The following CCDC7 variants were observed in gnomAD, a reference collection of about 807,000 sequenced individuals.
CCDC7 encodes coiled-coil domain containing 7, also known as coiled-coil domain-containing protein 7.
In CCDC7, 183 loss-of-function variants were observed where a neutral mutation model predicts 196.9. That is an observed-to-expected ratio of 0.93 (90% CI 0.82 to 1.05). The LOEUF is 1.05. Ranked by LOEUF, CCDC7 falls within the 50% of genes least tolerant of loss-of-function variation. CCDC7 has a pLI of 0.00. For missense variants in CCDC7, 1,540 were observed against 1,482.2 expected, an observed-to-expected ratio of 1.04 and a Z score of -0.64; for synonymous variants, 525 against 484.6, an observed-to-expected ratio of 1.08 and a Z score of -1.10.
In CCDC7 at chr10:32,529,917, G is replaced by A. The variant is rs865985486; in HGVS notation, c.993+11412G>A. On this transcript the variant is annotated intron_variant, in intron 11 of 41. Coordinates refer to ENST00000639629, the Ensembl canonical transcript of CCDC7. Reference sequence around the variant, plus strand: ...TTACGGTTTCAGGCCTTAGATTTAAGTCTTTGATCCATCTTGAGTTGATTT... The same window carrying A: ...TTACGGTTTCAGGCCTTAGATTTAAATCTTTGATCCATCTTGAGTTGATTT... Among the ~76,000 whole-genome samples, 20 of 152,288 alleles carry A rather than the reference G, an allele frequency of 1.3e-4. 2 individuals carry two copies. In the South Asian group the frequency reaches 4.1e-3, roughly 32 times the overall value.
intron 29 of CCDC7, among the ~76,000 whole-genome samples, chr10:32,792,516 G>A (rs1212356187): frequency 1.3e-5 from 2 of 152,120 alleles, no homozygotes; most frequent in African/African-American, 4.8e-5. Flanking sequence ...AAACCTAGAT[G>A]TTGGCTGGGC....
intron 29 of CCDC7, among the ~76,000 whole-genome samples, chr10:32,781,722 T>A (rs2081095541): frequency 6.6e-6 from 1 of 152,182 alleles, no homozygotes; most frequent in South Asian, 2.1e-4. Flanking sequence ...AGATTAAAAA[T>A]GTTTTCCTTA....
rs1160035656 is a variant in CCDC7 at position 32,795,675 on chromosome 10, TTGTC to T, written c.3014-9337_3014-9334del. On this transcript the variant is annotated intron_variant, in intron 29 of 41. Transcript: ENST00000639629. Reference sequence around the variant, plus strand: ...AGGATTAATTATTTATTTGTCTTCTTTGTCTGGCTTGTTTTGGGTTTTATTAGAT... The same window carrying T: ...AGGATTAATTATTTATTTGTCTTCTTTGGCTTGTTTTGGGTTTTATTAGAT... Among the ~76,000 whole-genome samples, 5 of 152,034 alleles carry T rather than the reference TTGTC, an allele frequency of 3.3e-5. No individual in the cohort carries two copies. In the Middle Eastern group the frequency reaches 0.01, roughly 310 times the overall value.
chr10:32,711,852 ATACTC>A (rs1472021910), intron 25 of CCDC7, 122 bp downstream of exon 26: 6 of 478,636 alleles, frequency 1.3e-5, no homozygotes, highest in East Asian at 3.9e-5. Context: ...TACTCTGTAA[ATACTC>A]TAACATAACT....
intron 25 of CCDC7, among the ~76,000 whole-genome samples, chr10:32,721,755 G>A (rs2082443396): frequency 6.6e-6 from 1 of 152,084 alleles, no homozygotes; most frequent in African/African-American, 2.4e-5. Flanking sequence ...TAGCTGTGTT[G>A]CTGCATGTGG....
At chr10:32,671,754 G>A (rs1472794071) in intron 21 of CCDC7, among the ~76,000 whole-genome samples, 3 of 152,104 alleles carry the variant, frequency 2.0e-5, no homozygotes, top group Non-Finnish European at 2.9e-5. Context: ...TCCTACAGGG[G>A]TGTGAGGGCG....
At chr10:32,818,018 C>G (rs1209134327) in intron 31 of CCDC7, among the ~76,000 whole-genome samples, 1 of 152,112 alleles carries the variant, frequency 6.6e-6, no homozygotes, top group East Asian at 1.9e-4. Context: ...AGGCTAAATG[C>G]TCTAATTAAA....
chr10:32,776,293 C>G (rs1421741560), intron 28 of CCDC7, among the ~76,000 whole-genome samples: 1 of 151,750 alleles, frequency 6.6e-6, no homozygotes, highest in Non-Finnish European at 1.5e-5. Context: ...AAAAAAAAAT[C>G]TAGATTTCTA....
upstream of CCDC7, among the ~76,000 whole-genome samples, chr10:32,445,193 G>A (rs1273933190): frequency 6.6e-6 from 1 of 152,144 alleles, no homozygotes; most frequent in Non-Finnish European, 1.5e-5. Flanking sequence ...AAGAGCAGAA[G>A]ACAGAACATT....
intron 8 of CCDC7, among the ~76,000 whole-genome samples, chr10:32,483,426 T>G (rs112352973): frequency 6.6e-6 from 1 of 152,216 alleles, no homozygotes; most frequent in Non-Finnish European, 1.5e-5. Flanking sequence ...TTGCAGAAAT[T>G]TTCTCCCATT....
At position 32,689,041 on chromosome 10, in the gene CCDC7, C is replaced by A. The variant is rs1178486557; in HGVS notation, c.2234-12C>A. 4.6e-6 allele frequency: 7 copies of A among 1,507,330 alleles called. No homozygotes were observed. Among genetic ancestry groups the A allele is most frequent in the Non-Finnish European group, 6.4e-6 (7 of 1,087,880 alleles). 93.4% of individuals were successfully genotyped at this position (1,507,330 alleles called of 1,614,324 possible). On this transcript the variant is annotated splice_polypyrimidine_tract_variant and intron_variant, in intron 22 of 41. Coordinates refer to ENST00000639629, the Ensembl canonical transcript of CCDC7. Reference sequence around the variant, plus strand: ...TTGTAATTTAGCGGACTAAACACATCTTTTTCTGTAGCTCCTGATAAAGAA... The same window carrying A: ...TTGTAATTTAGCGGACTAAACACATATTTTTCTGTAGCTCCTGATAAAGAA...
At chr10:32,566,023 T>G (rs1474762402) in intron 14 of CCDC7, among the ~76,000 whole-genome samples, 1 of 152,170 alleles carries the variant, frequency 6.6e-6, no homozygotes, top group Non-Finnish European at 1.5e-5. Context: ...CTTTTTAAAA[T>G]TTTAGTTAAA....
intron 21 of CCDC7, among the ~76,000 whole-genome samples, chr10:32,677,101 A>G (rs2075116139): frequency 6.6e-6 from 1 of 150,974 alleles, no homozygotes; most frequent in South Asian, 2.1e-4. Context: ...CATTCTCAGT[A>G]AACTATTGCA....
intron 41 of CCDC7, among the ~76,000 whole-genome samples, chr10:32,872,253 A>T (rs1038991709): frequency 6.6e-6 from 1 of 152,106 alleles, no homozygotes; most frequent in African/African-American, 2.4e-5. Flanking sequence ...GTCTCTTTTT[A>T]GGTCTCTAAG....
chr10:32,609,341 C>T (rs1460658878), intron 18 of CCDC7, among the ~76,000 whole-genome samples: 1 of 151,958 alleles, frequency 6.6e-6, no homozygotes, highest in Non-Finnish European at 1.5e-5. Flanking sequence ...CTGAGTTGAT[C>T]CTGTTATTAT....
intron 28 of CCDC7, among the ~76,000 whole-genome samples, chr10:32,774,459 A>T (rs1009768812): frequency 6.6e-6 from 1 of 152,170 alleles, no homozygotes; most frequent in African/African-American, 2.4e-5. Flanking sequence ...CCATGTGTCT[A>T]GGGAAATTCT....
intron 8 of CCDC7, among the ~76,000 whole-genome samples, chr10:32,483,183 T>A (rs1443461945): frequency 6.6e-6 from 1 of 152,208 alleles, no homozygotes; most frequent in Non-Finnish European, 1.5e-5. Context: ...TTTTTAATGA[T>A]CACCATTCTA....
intron 25 of CCDC7, among the ~76,000 whole-genome samples, chr10:32,716,424 G>T (rs2484718): frequency 0.48 from 73,184 of 152,110 alleles, 21,494 homozygotes; most frequent in Non-Finnish European, 0.66. Context: ...GGAAAAACTG[G>T]TAGCAGCCAC....
intron 9 of CCDC7, among the ~76,000 whole-genome samples, chr10:32,514,933 TC>T: frequency 6.6e-6 from 1 of 152,350 alleles, no homozygotes; most frequent in Admixed American, 6.5e-5. Context: ...CAAGGCATCT[TC>T]CTGCCTCAGC....
Sources: gnomAD v4.1 joint callset for allele counts (sites outside exome capture counted in the v4.1 genomes callset) on GRCh38, gnomAD v4.1.1 for gene constraint, MANE v1.5 for transcripts, NCBI Gene and HGNC (gene_info 2026-07-23, HGNC 2026-07-21) for gene names.